The following SCN11A variants were observed in gnomAD, a reference collection of about 807,000 sequenced individuals.
The protein encoded by SCN11A is sodium voltage-gated channel alpha subunit 11, also known as sodium channel protein type 11 subunit alpha.
A neutral mutation model predicts 162.2 loss-of-function variants in SCN11A; 122 were observed. The observed-to-expected ratio is 0.75, with a 90% confidence interval of 0.65 to 0.87. SCN11A has a LOEUF of 0.87. Ranked by LOEUF, SCN11A falls within the 40% of genes least tolerant of loss-of-function variation. SCN11A has a pLI of 0.00. For missense variants in SCN11A, 2,015 were observed against 2,181.6 expected, an observed-to-expected ratio of 0.92 and a Z score of 1.52; for synonymous variants, 758 against 751.5, an observed-to-expected ratio of 1.01 and a Z score of -0.14.
At chr3:38,970,599 G>A (rs1023317543) in intron 2 of SCN11A, among the ~76,000 whole-genome samples, 1 of 152,204 alleles carries the variant, frequency 6.6e-6, no homozygotes, top group African/African-American at 2.4e-5. Context: ...GTGAGTGTGT[G>A]TGCCTGCTCA....
At chr3:38,969,430 C>A (rs1559560128) in intron 2 of SCN11A, among the ~76,000 whole-genome samples, 1 of 152,148 alleles carries the variant, frequency 6.6e-6, no homozygotes, top group Non-Finnish European at 1.5e-5. Context: ...AAAATCTCAG[C>A]GGCCTGCTGT....
chr3:38,957,536 C>T (rs2066697134), intron 3 of SCN11A, among the ~76,000 whole-genome samples: 1 of 152,192 alleles, frequency 6.6e-6, no homozygotes, highest in African/African-American at 2.4e-5. Flanking sequence ...CGGGTTACGA[C>T]TTGACGTGGG....
At chr3:38,954,643 CAAACAAACAAAA>C (rs2066659752) in intron 3 of SCN11A, among the ~76,000 whole-genome samples, 1 of 151,706 alleles carries the variant, frequency 6.6e-6, no homozygotes, top group African/African-American at 2.4e-5. Context: ...AACAAACAAA[CAAACAAACAAAA>C]AAACAAAAAA....
At chr3:38,871,360 A>G in intron 25 of SCN11A, 85 bp downstream of exon 25, 3 of 1,296,298 alleles carry the variant, frequency 2.3e-6, no homozygotes, top group African/African-American at 3.0e-5. Flanking sequence ...CAATGGAGTC[A>G]CTGCATTTTT....
intron 11 of SCN11A, 135 bp downstream of exon 11, chr3:38,919,800 A>G (rs1435943544): frequency 5.9e-6 from 4 of 682,656 alleles, no homozygotes; most frequent in African/African-American, 5.5e-5. Flanking sequence ...AAGTCTAAAC[A>G]TGTTTAGACA....
At chr3:38,926,238 C>G (rs2066138579) in intron 8 of SCN11A, among the ~76,000 whole-genome samples, 1 of 152,166 alleles carries the variant, frequency 6.6e-6, no homozygotes, top group African/African-American at 2.4e-5. Flanking sequence ...TGATAATTAA[C>G]TCAAAATGGA....
intron 2 of SCN11A, among the ~76,000 whole-genome samples, chr3:39,018,264 G>C (rs2031348105): frequency 6.6e-6 from 1 of 152,118 alleles, no homozygotes; most frequent in Non-Finnish European, 1.5e-5. Flanking sequence ...CCAAATACTA[G>C]AAAAGAACTC....
At chr3:38,968,297 G>A (rs1348700291) in intron 2 of SCN11A, among the ~76,000 whole-genome samples, 2 of 152,194 alleles carry the variant, frequency 1.3e-5, no homozygotes, top group Admixed American at 6.5e-5. Context: ...CCTAGGGAAG[G>A]GACTGAGTGG....
intron 11 of SCN11A, among the ~76,000 whole-genome samples, 153 bp downstream of exon 11, chr3:38,919,782 A>G (rs2066015589): frequency 6.6e-6 from 1 of 152,246 alleles, no homozygotes; most frequent in South Asian, 2.1e-4. Flanking sequence ...TTTTTAATTT[A>G]ATAACACAAG....
chr3:38,914,133 T>C (rs1430263105), intron 11 of SCN11A, among the ~76,000 whole-genome samples: 1 of 152,200 alleles, frequency 6.6e-6, no homozygotes, highest in Non-Finnish European at 1.5e-5. Flanking sequence ...GAGCATGAGA[T>C]GTTCTTCCAT....
In SCN11A at chr3:38,910,274, C is replaced by G. The variant is rs184888373; in HGVS notation, c.960-67G>C. ...CAGCCAAGCTTCTTTTTCCTTCCAA[C>G]GACTCTGGTTTTTCCAAGGGCTGTG... On this transcript the variant is annotated intron_variant, in intron 11 of 29. Coordinates refer to ENST00000302328, the MANE Select transcript of SCN11A (RefSeq NM_001349253.2). 1.4e-3 allele frequency: 2,126 copies of G among 1,518,526 alleles called. 5 individuals are homozygous for G. The highest frequency in any genetic ancestry group is 1.6e-3 in the Non-Finnish European group (1,841 of 1,120,354). The allele number at this position is 1,518,526 out of a possible 1,614,324, so 94.1% of individuals were successfully genotyped here. A position where few individuals can be genotyped will look rare whatever the true frequency, so the allele number is the denominator to read the frequency against.
intron 2 of SCN11A, among the ~76,000 whole-genome samples, chr3:38,971,797 C>G (rs535443822): frequency 2.0e-4 from 31 of 152,312 alleles, no homozygotes; most frequent in Non-Finnish European, 2.8e-4. Flanking sequence ...ATCCTACTCT[C>G]TGTATGTCTC....
chr3:38,902,993 G>T (rs1575270231), intron 16 of SCN11A, among the ~76,000 whole-genome samples: 1 of 151,974 alleles, frequency 6.6e-6, no homozygotes, highest in Middle Eastern at 3.4e-3. Context: ...GATCATCTTT[G>T]TCAGCAGGTA....
Position 38,885,341 on chromosome 3 carries a change from C to A in SCN11A, c.3011G>T (p.Gly1004Val). 6.2e-7 allele frequency: 1 copy of A among 1,613,778 alleles called. No individual in the cohort carries two copies. The highest frequency in any genetic ancestry group is 8.5e-7 in the Non-Finnish European group (1 of 1,179,674). ...TTTGGGAACCATCTCAGGTAACCAT[C>A]CAAAGCCATCCTGAAGATCAATGGT... ...CSTIDLQDGFGWLPEMVPKKQ... is the reference protein window; with the variant it reads ...CSTIDLQDGFVWLPEMVPKKQ... Residue 1004 changes from glycine to valine, a missense_variant, in exon 21 of 30, where the codon GGA becomes GTA. By Grantham distance (109) the Gly-to-Val change is moderately radical. Coordinates refer to ENST00000302328, the MANE Select transcript of SCN11A (RefSeq NM_001349253.2).
Position 38,999,674 on chromosome 3 carries a change from G to A in SCN11A, c.-280+32706C>T, listed in dbSNP as rs75146744. Among the ~76,000 whole-genome samples the A allele has an allele frequency of 8.5e-3, 1,294 of 152,222 alleles. 14 individuals carry two copies. The highest frequency in any genetic ancestry group is 0.026 in the African/African-American group (1,066 of 41,520). The stretch of plus-strand genomic sequence containing the variant: ...GGCAGTTTCACCTTGCAATTTGTCA[G>A]CATAATAATCACAGTAAAAACACCT... On this transcript the variant is annotated intron_variant, in intron 2 of 29. Transcript: ENST00000302328.
chr3:39,040,787 A>C (rs901646444), intron 1 of SCN11A, among the ~76,000 whole-genome samples: 2 of 152,218 alleles, frequency 1.3e-5, no homozygotes, highest in African/African-American at 4.8e-5. Context: ...AGAAGAAAAT[A>C]ATTTCTGAAG....
rs201933711 is a variant in SCN11A at position 38,932,396 on chromosome 3, C to G, written c.489-5465G>C. On this transcript the variant is annotated intron_variant, in intron 7 of 29. Transcript: ENST00000302328. ...AGGACAGTGGGTGCAGCGCACCGTG[C>G]ATGAGCCGAAGCAGGGTGAGGCATT... Among the ~76,000 whole-genome samples, 35 of 152,302 alleles carry G rather than the reference C, an allele frequency of 2.3e-4. 1 individual carries two copies. In the East Asian group the frequency reaches 5.0e-3, roughly 22 times the overall value.
At chr3:38,947,952 C>T (rs2066542995) in intron 5 of SCN11A, among the ~76,000 whole-genome samples, 1 of 152,240 alleles carries the variant, frequency 6.6e-6, no homozygotes, top group African/African-American at 2.4e-5. Flanking sequence ...AGACAGACCT[C>T]GGCACCCAGG....
chr3:38,912,180 T>C (rs1333050726), intron 11 of SCN11A, among the ~76,000 whole-genome samples: 1 of 152,182 alleles, frequency 6.6e-6, no homozygotes, highest in Admixed American at 6.5e-5. Flanking sequence ...AGGATGGACC[T>C]ACCATATTTA....
Sources: allele counts gnomAD v4.1 joint callset (sites outside exome capture counted in the v4.1 genomes callset), GRCh38; gene constraint gnomAD v4.1.1; transcripts MANE v1.5; gene names NCBI Gene and HGNC (gene_info 2026-07-23, HGNC 2026-07-21).